PITPNA: variants seen among roughly 807,000 people sequenced by gnomAD.
PITPNA encodes phosphatidylinositol transfer protein alpha, also known as phosphatidylinositol transfer protein alpha isoform.
Under a neutral mutation model 50.3 loss-of-function variants are expected in PITPNA, and 13 were observed. The ratio of observed to expected loss-of-function variants is 0.26; its 90% CI spans 0.17 to 0.41. PITPNA has a LOEUF of 0.41. Ranked by LOEUF, PITPNA falls within the 10% of genes least tolerant of loss-of-function variation. PITPNA has a pLI of 1.00. For synonymous variants in PITPNA, 120 were observed against 119.6 expected (o/e 1.00, Z -0.02); for missense variants, 207 against 333.4 (o/e 0.62, Z 2.95).
chr17:1,534,658 C>T (rs779293695), intron 9 of PITPNA, among the ~76,000 whole-genome samples: 21 of 152,232 alleles, frequency 1.4e-4, no homozygotes, highest in Non-Finnish European at 2.8e-4. Flanking sequence ...ACTCCTTAGA[C>T]CTGCCCAGCA....
intron 7 of PITPNA, among the ~76,000 whole-genome samples, chr17:1,537,749 A>C (rs1268317193): frequency 6.6e-6 from 1 of 152,200 alleles, no homozygotes; most frequent in East Asian, 1.9e-4. Context: ...TTGGGCAAGG[A>C]AGCACAAGAT....
chr17:1,519,249 G>C lies in PITPNA; in HGVS notation c.*1312C>G, dbSNP rs116565266. ...GTGGGCTGGGATCACGGCACACTTA[G>C]GCCAACGTGCTTCACAAGGTTTGGG... On this transcript the variant is annotated 3_prime_UTR_variant, in exon 12 of 12. Coordinates refer to ENST00000313486, the MANE Select transcript of PITPNA (RefSeq NM_006224.4). The C allele has an allele frequency of 5.2e-5, 8 of 152,462 alleles. No individual in the cohort carries two copies. In the East Asian group the frequency reaches 9.6e-4, roughly 18 times the overall value. 9.4% of individuals were successfully genotyped at this position (152,462 alleles called of 1,614,324 possible).
At chr17:1,554,755 TCAC>T (rs1402990170) in intron 2 of PITPNA, among the ~76,000 whole-genome samples, 3 of 151,988 alleles carry the variant, frequency 2.0e-5, no homozygotes, top group African/African-American at 7.3e-5. Flanking sequence ...AATTCACTGC[TCAC>T]CACAAGGCTG....
At chr17:1,537,176 G>C (rs968914392) in intron 7 of PITPNA, among the ~76,000 whole-genome samples, 2 of 151,944 alleles carry the variant, frequency 1.3e-5, no homozygotes, top group African/African-American at 4.8e-5. Flanking sequence ...CGATTCTCCT[G>C]CCTCAGTCTC....
chr17:1,544,806 C>T (rs182974804), intron 4 of PITPNA, among the ~76,000 whole-genome samples: 1 of 152,180 alleles, frequency 6.6e-6, no homozygotes, highest in Admixed American at 6.5e-5. Flanking sequence ...GGTGTGGTGG[C>T]GCATGCCTGT....
rs574601573 is a variant in PITPNA at position 1,539,093 on chromosome 17, C to T, written c.373-141G>A. On this transcript the variant is annotated intron_variant, in intron 6 of 11. Transcript: ENST00000313486. ...TGATAAGTAATTATACAATTACATA[C>T]AAAATTATCCAAAGAAATGGGAGAA... 13 of 599,934 alleles carry T rather than the reference C, an allele frequency of 2.2e-5. No homozygotes were observed. In the East Asian group the frequency reaches 2.3e-4, roughly 11 times the overall value. 37.2% of individuals were successfully genotyped at this position (599,934 alleles called of 1,614,324 possible). A position where few individuals can be genotyped will look rare whatever the true frequency, so the allele number is the denominator to read the frequency against.
intron 5 of PITPNA, 163 bp from the exon 6 acceptor site, chr17:1,541,803 G>A (rs751620284): frequency 5.1e-5 from 36 of 705,284 alleles, no homozygotes; most frequent in Non-Finnish European, 8.2e-5. Context: ...CGACACACTA[G>A]GCATGTATTA....
In PITPNA at chr17:1,558,546, G is replaced by T; in HGVS notation, c.34C>A (p.Pro12Thr). Reference protein sequence around the residue: ...VLLKEYRVILPVSVDEYQVGQ... With the variant: ...VLLKEYRVILTVSVDEYQVGQ... ...GGACTTACCTCATCTACAGACACAG[G>T]CAGGATTACTCGACTATAAGAAAGG... The change falls in exon 2 of 12, where the codon CCT becomes ACT. Residue 12 changes from proline to threonine, a missense_variant. Coordinates refer to ENST00000313486, the MANE Select transcript of PITPNA (RefSeq NM_006224.4). 6.2e-7 allele frequency: 1 copy of T among 1,603,692 alleles called. No individual in the cohort carries two copies.
chr17:1,554,830 C>T (rs556645622), intron 2 of PITPNA, among the ~76,000 whole-genome samples: 1 of 152,278 alleles, frequency 6.6e-6, no homozygotes, highest in South Asian at 2.1e-4. Flanking sequence ...GGGCAGCAAT[C>T]GAGGCTCAGT....
intron 3 of PITPNA, among the ~76,000 whole-genome samples, chr17:1,550,773 C>T (rs1031956561): frequency 6.6e-6 from 1 of 152,134 alleles, no homozygotes; most frequent in Admixed American, 6.5e-5. Flanking sequence ...TTATGTCAGA[C>T]AGCACGGACT....
intron 4 of PITPNA, among the ~76,000 whole-genome samples, chr17:1,547,492 A>G (rs544082557): frequency 1.3e-5 from 2 of 150,730 alleles, no homozygotes; most frequent in South Asian, 4.2e-4. Context: ...TCTACTAAAA[A>G]TACAAAAATT....
chr17:1,548,183 G>T, intron 4 of PITPNA, 113 bp downstream of exon 4: 1 of 650,882 alleles, frequency 1.5e-6, no homozygotes, highest in Non-Finnish European at 2.6e-6. Flanking sequence ...CCCACCATCA[G>T]CCGGAAGGGA....
intron 10 of PITPNA, among the ~76,000 whole-genome samples, chr17:1,532,927 T>G (rs2075593201): frequency 1.3e-5 from 2 of 152,250 alleles, no homozygotes; most frequent in Admixed American, 6.5e-5. Context: ...TCATTCTGGA[T>G]GGTAAAAACA....
At chr17:1,556,085 A>C (rs1280613935) in intron 2 of PITPNA, among the ~76,000 whole-genome samples, 1 of 152,186 alleles carries the variant, frequency 6.6e-6, no homozygotes, top group African/African-American at 2.4e-5. Context: ...GTTCCCATAG[A>C]AACTGTTAAG....
chr17:1,522,220 C>T (rs111364876), intron 10 of PITPNA, among the ~76,000 whole-genome samples: 7,528 of 150,940 alleles, frequency 0.05, 244 homozygotes, highest in Non-Finnish European at 0.077. Flanking sequence ...TACAGGCGCC[C>T]GCCACCGCGC....
rs148101442 is a variant in PITPNA, at chr17:1,556,492, C to A, written c.51+2037G>T. On this transcript the variant is annotated intron_variant, in intron 2 of 11. Coordinates refer to ENST00000313486, the MANE Select transcript of PITPNA (RefSeq NM_006224.4). ...AAGCCATCAGTGTCTGGCCCTTCAG[C>A]CTTACTCCAAGAACAGCCCCAGGTG... Among the ~76,000 whole-genome samples the A allele has an allele frequency of 6.9e-3, 1,057 of 152,316 alleles. 13 individuals are homozygous for A. Among genetic ancestry groups the A allele is most frequent in the African/African-American group, 0.024 (989 of 41,572 alleles).
At position 1,562,678 on chromosome 17, in the gene PITPNA, G is replaced by T; in HGVS notation, c.-118C>A. 1.6e-6 allele frequency: 1 copy of T among 644,560 alleles called. No individual in the cohort carries two copies. Among genetic ancestry groups the T allele is most frequent in the Non-Finnish European group, 2.0e-6 (1 of 492,524 alleles). 39.9% of individuals were successfully genotyped at this position (644,560 alleles called of 1,614,324 possible). A position where few individuals can be genotyped will look rare whatever the true frequency, so the allele number is the denominator to read the frequency against. ...TGCCTGTGCGTCTTCGTCGTGCTCT[G>T]CTCCGTCCCCGCCGCCCTCGCCGCG... On this transcript the variant is annotated 5_prime_UTR_variant, in exon 1 of 12. Transcript: ENST00000313486. The surrounding 1 kb of genome is among the most constrained non-coding windows in gnomAD (Gnocchi z 6.4).
At chr17:1,525,484 A>T (rs1356562257) in intron 10 of PITPNA, among the ~76,000 whole-genome samples, 1 of 150,326 alleles carries the variant, frequency 6.7e-6, no homozygotes, top group Non-Finnish European at 1.5e-5. Context: ...TATCTCTGGC[A>T]GTAGTTCTCC....
At chr17:1,560,296 G>A (rs373951999) in intron 1 of PITPNA, among the ~76,000 whole-genome samples, 12 of 152,194 alleles carry the variant, frequency 7.9e-5, no homozygotes, top group African/African-American at 2.4e-4. Context: ...AGGAACTGCC[G>A]GGCTGGGCCT....
Sources: gnomAD v4.1 joint callset for allele counts (sites outside exome capture counted in the v4.1 genomes callset) on GRCh38, gnomAD v4.1.1 for gene constraint, Gnocchi (gnomAD v3.1) non-coding constraint, MANE v1.5 for transcripts, NCBI Gene and HGNC (gene_info 2026-07-23, HGNC 2026-07-21) for gene names.